Variants in FAM217B observed in about 807,000 individuals in gnomAD.
The protein encoded by FAM217B is family with sequence similarity 217 member B.
For synonymous variants in FAM217B, 163 were observed against 173.0 expected (o/e 0.94, Z 0.45); for missense variants, 463 against 456.9 (o/e 1.01, Z -0.12).
Position 59,945,137 on chromosome 20 carries a change from A to G in FAM217B, c.*42A>G, listed in dbSNP as rs1374139118. The G allele has an allele frequency of 9.7e-6, 14 of 1,447,814 alleles. No homozygotes were observed. The highest frequency in any genetic ancestry group is 1.3e-5 in the Non-Finnish European group (14 of 1,086,906). The allele number at this position is 1,447,814 out of a possible 1,614,324, so 89.7% of individuals were successfully genotyped here. A position where few individuals can be genotyped will look rare whatever the true frequency, so the allele number is the denominator to read the frequency against. ...ATTGCCAAGACCTGCAGGTACCTCA[A>G]TGTTAGAGCGCTTCCAAAAGTCAAA... On this transcript the variant is annotated 3_prime_UTR_variant, in exon 4 of 4. Transcript: ENST00000360816.
In FAM217B at chr20:59,944,378, C is replaced by T; in HGVS notation, c.435C>T (p.Phe145=). The change falls in exon 4 of 4, where the codon TTC becomes TTT. Residue 145 remains phenylalanine (F), a synonymous_variant. Coordinates refer to ENST00000360816, the MANE Select transcript of FAM217B (RefSeq NM_022106.3). ...HTKPEYYYPN[F]LPSPFSSWDL... ...AACCTGAATACTATTATCCTAATTT[C>T]CTTCCATCCCCTTTCAGCTCCTGGG... The T allele has an allele frequency of 6.2e-7, 1 of 1,614,106 alleles. No homozygotes were observed. The highest frequency in any genetic ancestry group is 1.3e-5 in the African/African-American group (1 of 75,000).
chr20:59,943,907 T>C (rs761064465), intron 3 of FAM217B, 33 bp from the exon 4 acceptor site: 2 of 1,511,904 alleles, frequency 1.3e-6, no homozygotes, highest in South Asian at 1.3e-5. Flanking sequence ...TTTTGTCATA[T>C]GTGGTAAGAA....
At chr20:59,937,099 A>G (rs1233177467), upstream of FAM217B, 13 of 152,806 alleles carry the variant, frequency 8.5e-5, no homozygotes, top group South Asian at 1.0e-3. Flanking sequence ...TATTAAATAT[A>G]TAACATTCAC....
In FAM217B at chr20:59,946,363, C is replaced by T. The variant is rs182634311; in HGVS notation, c.*1268C>T. On this transcript the variant is annotated 3_prime_UTR_variant, in exon 4 of 4. Coordinates refer to ENST00000360816, the MANE Select transcript of FAM217B (RefSeq NM_022106.3). ...AAACAATTACTGTATTTGTTTTTGA[C>T]GTAGAGGTTTCAATTTTTTCACCTT... The T allele has an allele frequency of 1.7e-4, 28 of 166,788 alleles. No individual in the cohort carries two copies. Among genetic ancestry groups the T allele is most frequent in the Middle Eastern group, 3.4e-3 (1 of 296 alleles). 10.3% of individuals were successfully genotyped at this position (166,788 alleles called of 1,614,324 possible).
upstream of FAM217B, chr20:59,937,074 G>A (rs182404360): frequency 5.2e-5 from 8 of 152,658 alleles, no homozygotes; most frequent in Admixed American, 3.9e-4. Flanking sequence ...TAAAAGGCAC[G>A]GGAGGTTCAC....
chr20:59,934,407 G>C (rs2060841620), intron 1 of FAM217B, among the ~76,000 whole-genome samples: 3 of 152,232 alleles, frequency 2.0e-5, no homozygotes, highest in Non-Finnish European at 4.4e-5. Flanking sequence ...CCCTTGGCTC[G>C]CAGAGGGCGT....
upstream of FAM217B, chr20:59,936,879 T>G (rs1401765328): frequency 6.6e-6 from 1 of 152,480 alleles, no homozygotes; most frequent in African/African-American, 2.4e-5. Flanking sequence ...AAAATCATTT[T>G]AAATAACATA....
rs1453821648 is a variant in FAM217B at position 59,945,788 on chromosome 20, C to T, written c.*693C>T. 1 of 166,852 alleles carries T rather than the reference C, an allele frequency of 6.0e-6. No individual in the cohort carries two copies. Among genetic ancestry groups the T allele is most frequent in the East Asian group, 1.9e-4 (1 of 5,198 alleles). 10.3% of individuals were successfully genotyped at this position (166,852 alleles called of 1,614,324 possible). ...AACTTAGAGGTGGTGGTAAAACCTA[C>T]TTTTGAGTTCTCCGAACTGAGGTTA... is the stretch of plus-strand genomic sequence containing the variant. On this transcript the variant is annotated 3_prime_UTR_variant, in exon 4 of 4. Transcript: ENST00000360816.
At chr20:59,939,484 A>C (rs1215700587), upstream of FAM217B, 1 of 1,611,784 alleles carries the variant, frequency 6.2e-7, no homozygotes, top group African/African-American at 1.3e-5. Flanking sequence ...TGCAGGGTGA[A>C]CTCCAGGTCC....
chr20:59,935,944 C>G (rs1245329357), upstream of FAM217B, among the ~76,000 whole-genome samples: 1 of 151,484 alleles, frequency 6.6e-6, no homozygotes, highest in Admixed American at 6.6e-5. Flanking sequence ...AGGTGAATTA[C>G]AGTTATGTAT....
rs547634458 is a variant in FAM217B, at chr20:59,934,279, A to AG, written c.-326+428dup. ...GCTGGGTACCCAACTGTGTATTCCT[A>AG]GGCTCTTTCAGACGCTTCCATTTAA... On this transcript the variant is annotated intron_variant, in intron 1 of 4. Transcript: ENST00000358293. 5.9e-3 allele frequency among the ~76,000 whole-genome samples: 903 copies of AG among 152,298 alleles called. 9 individuals carry two copies. The highest frequency in any genetic ancestry group is 0.021 in the African/African-American group (872 of 41,572).
rs757524972 is a variant in FAM217B, at chr20:59,948,399, G to A, written c.*3304G>A. The A allele has an allele frequency of 7.8e-5, 13 of 166,894 alleles. No homozygotes were observed. The highest frequency in any genetic ancestry group is 2.2e-4 in the African/African-American group (9 of 41,396). The allele number at this position is 166,894 out of a possible 1,614,324, so 10.3% of individuals were successfully genotyped here. A position where few individuals can be genotyped will look rare whatever the true frequency, so the allele number is the denominator to read the frequency against. On this transcript the variant is annotated 3_prime_UTR_variant, in exon 4 of 4. Coordinates refer to ENST00000360816, the MANE Select transcript of FAM217B (RefSeq NM_022106.3). ...TTCTACTTTATCTGATATGGATATC[G>A]TCTACTTCCTCATTCCTTTATGCTC... is the stretch of plus-strand genomic sequence containing the variant.
At chr20:59,938,982 G>C, upstream of FAM217B, 3 of 1,445,988 alleles carry the variant, frequency 2.1e-6, no homozygotes, top group Non-Finnish European at 2.7e-6. Context: ...GGAAATGACA[G>C]GAGGCGCAGC....
Position 59,944,819 on chromosome 20 carries a change from AAAG to A in FAM217B, c.879_881del (p.Lys296del). 1 of 1,614,210 alleles carries A rather than the reference AAAG, an allele frequency of 6.2e-7. No homozygotes were observed. ...AAACCCTTGAAATGAGGACAGAAGAAAAGAAAAAGAAATCAAGTAAGAGTACGA... is the reference window on the plus strand; with the variant it reads ...AAACCCTTGAAATGAGGACAGAAGAAAAAAAGAAATCAAGTAAGAGTACGA... On this transcript the variant is annotated inframe_deletion, in exon 4 of 4. Coordinates refer to ENST00000360816, the MANE Select transcript of FAM217B (RefSeq NM_022106.3).
chr20:59,939,820 G>A (rs2060888810), upstream of FAM217B: 1 of 1,236,060 alleles, frequency 8.1e-7, no homozygotes, highest in Non-Finnish European at 1.0e-6. Context: ...CAGGCCCGCG[G>A]CTCCAGGGCC....
Position 59,945,206 on chromosome 20 carries a change from T to A in FAM217B, c.*111T>A. On this transcript the variant is annotated 3_prime_UTR_variant, in exon 4 of 4. Coordinates refer to ENST00000360816, the MANE Select transcript of FAM217B (RefSeq NM_022106.3). The stretch of plus-strand genomic sequence containing the variant: ...AATTTTACAAATACTGACATTTAAG[T>A]AGTTGACTGGCATTTTTGTCCACCT... The A allele has an allele frequency of 1.0e-6, 1 of 956,346 alleles. No homozygotes were observed. The highest frequency in any genetic ancestry group is 1.5e-6 in the Non-Finnish European group (1 of 658,482). The allele number at this position is 956,346 out of a possible 1,614,324, so 59.2% of individuals were successfully genotyped here. A position where few individuals can be genotyped will look rare whatever the true frequency, so the allele number is the denominator to read the frequency against.
chr20:59,937,450 C>T (rs1420061588), upstream of FAM217B: 1 of 152,460 alleles, frequency 6.6e-6, no homozygotes, highest in Non-Finnish European at 1.5e-5. Context: ...AGAAAGCTAT[C>T]CTTGTTCTTT....
intron 3 of FAM217B, among the ~76,000 whole-genome samples, chr20:59,942,829 G>C (rs2060912700): frequency 6.6e-6 from 1 of 152,078 alleles, no homozygotes; most frequent in African/African-American, 2.4e-5. Flanking sequence ...TGACAGGCAG[G>C]AACAAAATGT....
In FAM217B at chr20:59,944,938, T is replaced by C. The variant is rs1601049377; in HGVS notation, c.995T>C (p.Ile332Thr). 6.2e-6 allele frequency: 10 copies of C among 1,614,196 alleles called. No individual in the cohort carries two copies. The highest frequency in any genetic ancestry group is 8.5e-6 in the Non-Finnish European group (10 of 1,180,034). The change falls in exon 4 of 4, where the codon ATT (isoleucine) becomes ACT (threonine). Residue 332 changes from isoleucine (I) to threonine (T), a missense_variant. Ile to Thr is a moderately conservative substitution (Grantham distance 89). Coordinates refer to ENST00000360816, the MANE Select transcript of FAM217B (RefSeq NM_022106.3). ...HIRVPKQAAV[I>T]LDSADSCKAS... ...CGAGTTCCCAAACAGGCAGCTGTGA[T>C]TCTGGACTCAGCAGATTCCTGTAAG...
Sources: gnomAD v4.1 joint callset for allele counts (sites outside exome capture counted in the v4.1 genomes callset) on GRCh38, gnomAD v4.1.1 for gene constraint, MANE v1.5 for transcripts, NCBI Gene and HGNC (gene_info 2026-07-23, HGNC 2026-07-21) for gene names.